Variants in CNTNAP2 observed in about 807,000 individuals in gnomAD.
The protein encoded by CNTNAP2 is contactin associated protein 2, also known as contactin-associated protein-like 2.
In CNTNAP2, 98 loss-of-function variants were observed where a neutral mutation model predicts 155.2. The ratio of observed to expected loss-of-function variants is 0.63; its 90% CI spans 0.54 to 0.75. The LOEUF is 0.75. Ranked by LOEUF, CNTNAP2 falls within the 30% of genes least tolerant of loss-of-function variation. The pLI is 0.00. For missense variants in CNTNAP2, 1,727 were observed against 1,688.1 expected, an observed-to-expected ratio of 1.02 and a Z score of -0.40; for synonymous variants, 651 against 631.2, an observed-to-expected ratio of 1.03 and a Z score of -0.47.
intron 8 of CNTNAP2, among the ~76,000 whole-genome samples, chr7:147,260,696 T>TC (rs1260769823): frequency 6.6e-6 from 1 of 152,182 alleles, no homozygotes; most frequent in Non-Finnish European, 1.5e-5. Flanking sequence ...TGTACAATGT[T>TC]CTTTGAAAGC....
intron 21 of CNTNAP2, among the ~76,000 whole-genome samples, chr7:148,299,139 C>T (rs1356324272): frequency 2.0e-5 from 3 of 151,974 alleles, no homozygotes; most frequent in Non-Finnish European, 4.4e-5. Context: ...TACAGGCGCC[C>T]ACGACCACGC....
intron 15 of CNTNAP2, among the ~76,000 whole-genome samples, chr7:148,100,586 C>T (rs1442589575): frequency 6.6e-6 from 1 of 152,178 alleles, no homozygotes; most frequent in African/African-American, 2.4e-5. Flanking sequence ...CTGTGATATA[C>T]ATTTTATTCT....
intron 1 of CNTNAP2, among the ~76,000 whole-genome samples, chr7:146,721,889 A>ATTTTT (rs71527797): frequency 1.4e-5 from 1 of 69,708 alleles, no homozygotes; most frequent in African/African-American, 1.9e-4. Flanking sequence ...ATATATATAT[A>ATTTTT]TTTTTTTTTT....
intron 20 of CNTNAP2, among the ~76,000 whole-genome samples, chr7:148,264,701 T>G (rs1307221409): frequency 6.6e-6 from 1 of 152,194 alleles, no homozygotes; most frequent in Non-Finnish European, 1.5e-5. Flanking sequence ...TTTTTTGTTT[T>G]GTTTTTTTTG....
At chr7:147,541,333 C>T (rs1799634856) in intron 11 of CNTNAP2, among the ~76,000 whole-genome samples, 1 of 152,196 alleles carries the variant, frequency 6.6e-6, no homozygotes, top group African/African-American at 2.4e-5. Flanking sequence ...CCTCACTTTC[C>T]TCCTTTGAAA....
At chr7:146,761,626 G>C (rs1327116418) in intron 1 of CNTNAP2, among the ~76,000 whole-genome samples, 1 of 151,012 alleles carries the variant, frequency 6.6e-6, no homozygotes, top group Non-Finnish European at 1.5e-5. Flanking sequence ...GCTCTTCTCT[G>C]TCATTTTATG....
At chr7:147,134,056 A>G (rs958772791) in intron 8 of CNTNAP2, among the ~76,000 whole-genome samples, 3 of 152,042 alleles carry the variant, frequency 2.0e-5, no homozygotes, top group Non-Finnish European at 4.4e-5. Flanking sequence ...TTATATTGTT[A>G]TGATTAATGA....
intron 1 of CNTNAP2, among the ~76,000 whole-genome samples, chr7:146,200,878 A>ATG (rs1459610968): frequency 1.3e-5 from 2 of 152,198 alleles, no homozygotes; most frequent in Non-Finnish European, 2.9e-5. Context: ...AATACTGAGT[A>ATG]TGGCCTCTGA....
intron 11 of CNTNAP2, among the ~76,000 whole-genome samples, chr7:147,556,511 G>T (rs1204752339): frequency 6.6e-6 from 1 of 152,102 alleles, no homozygotes; most frequent in African/African-American, 2.4e-5. Context: ...TTTGTGTAAT[G>T]ACAGAGCTCC....
intron 4 of CNTNAP2, among the ~76,000 whole-genome samples, chr7:147,070,077 C>T (rs1001316646): frequency 2.0e-5 from 3 of 152,142 alleles, no homozygotes; most frequent in Non-Finnish European, 2.9e-5. Context: ...TAATGTGTAC[C>T]TGACAAACAA....
intron 3 of CNTNAP2, among the ~76,000 whole-genome samples, chr7:146,945,753 T>C (rs1797152671): frequency 6.6e-6 from 1 of 152,182 alleles, no homozygotes. Context: ...ATAATGTTGC[T>C]GCTTTTCTTA....
intron 8 of CNTNAP2, among the ~76,000 whole-genome samples, chr7:147,239,291 A>G (rs1351182857): frequency 6.6e-6 from 1 of 152,016 alleles, no homozygotes; most frequent in Non-Finnish European, 1.5e-5. Flanking sequence ...GTGGATCACA[A>G]GGTCAGGAGT....
intron 11 of CNTNAP2, among the ~76,000 whole-genome samples, chr7:147,533,279 T>C (rs1799475135): frequency 6.6e-6 from 1 of 152,230 alleles, no homozygotes; most frequent in South Asian, 2.1e-4. Context: ...AAAATTTCTA[T>C]TAACAATCAA....
At chr7:146,879,241 T>C (rs986571570) in intron 3 of CNTNAP2, among the ~76,000 whole-genome samples, 1 of 152,200 alleles carries the variant, frequency 6.6e-6, no homozygotes, top group African/African-American at 2.4e-5. Flanking sequence ...TCAATAGATG[T>C]TGGCATAGAT....
At chr7:146,629,464 C>G (rs572841991) in intron 1 of CNTNAP2, among the ~76,000 whole-genome samples, 1 of 152,168 alleles carries the variant, frequency 6.6e-6, no homozygotes, top group East Asian at 1.9e-4. Context: ...TAGAACAGAG[C>G]AGTTGAATAG....
chr7:147,893,572 T>C (rs1039880954), intron 13 of CNTNAP2, among the ~76,000 whole-genome samples: 3 of 152,220 alleles, frequency 2.0e-5, no homozygotes, highest in Admixed American at 2.0e-4. Flanking sequence ...ACAGGGACAC[T>C]GAGTCTCAAA....
rs554944962 is a variant in CNTNAP2 at position 147,584,966 on chromosome 7, A to G, written c.1897+22709A>G. Reference sequence around the variant, plus strand: ...GCGGCCAGGACAGACGTTGATTGGCATGACCCTCAGTGAGAATCTCAGTGA... The same window carrying G: ...GCGGCCAGGACAGACGTTGATTGGCGTGACCCTCAGTGAGAATCTCAGTGA... On this transcript the variant is annotated intron_variant, in intron 12 of 23. Coordinates refer to ENST00000361727, the MANE Select transcript of CNTNAP2 (RefSeq NM_014141.6). Among the ~76,000 whole-genome samples, 280 of 152,184 alleles carry G rather than the reference A, an allele frequency of 1.8e-3. 3 individuals are homozygous for G. Among genetic ancestry groups the G allele is most frequent in the Non-Finnish European group, 9.1e-4 (62 of 67,992 alleles).
intron 13 of CNTNAP2, among the ~76,000 whole-genome samples, chr7:147,675,419 G>C (rs1309040026): frequency 6.6e-6 from 1 of 152,016 alleles, no homozygotes; most frequent in Non-Finnish European, 1.5e-5. Context: ...GAACCAAGGG[G>C]ATATCTAAAT....
At chr7:148,315,479 A>G (rs1289282253) in intron 21 of CNTNAP2, among the ~76,000 whole-genome samples, 1 of 152,168 alleles carries the variant, frequency 6.6e-6, no homozygotes, top group Non-Finnish European at 1.5e-5. Flanking sequence ...AGATAATGTC[A>G]TCAGTTAAGG....
Sources: gnomAD v4.1 joint callset for allele counts (sites outside exome capture counted in the v4.1 genomes callset) on GRCh38, gnomAD v4.1.1 for gene constraint, MANE v1.5 for transcripts, NCBI Gene and HGNC (gene_info 2026-07-23, HGNC 2026-07-21) for gene names.